Variants in LSM14A observed in about 807,000 individuals in gnomAD.
The protein encoded by LSM14A is protein LSM14 homolog A.
A neutral mutation model predicts 52.4 loss-of-function variants in LSM14A; 14 were observed. The observed-to-expected ratio is 0.27, with a 90% CI of 0.18 to 0.42. The LOEUF is 0.42. Ranked by LOEUF, LSM14A falls within the 10% of genes least tolerant of loss-of-function variation. The pLI, the probability that LSM14A is intolerant of heterozygous loss-of-function variation, is 1.00. For synonymous variants in LSM14A, 185 were observed against 200.3 expected (o/e 0.92, Z 0.64); for missense variants, 417 against 581.8 (o/e 0.72, Z 2.91).
At chr19:34,179,406 A>T (rs1344791376) in intron 1 of LSM14A, among the ~76,000 whole-genome samples, 1 of 152,186 alleles carries the variant, frequency 6.6e-6, no homozygotes, top group Non-Finnish European at 1.5e-5. Flanking sequence ...TTACTTGGGG[A>T]TCTAAATCTA....
chr19:34,176,971 T>C (rs2069131386), intron 1 of LSM14A, among the ~76,000 whole-genome samples: 1 of 152,236 alleles, frequency 6.6e-6, no homozygotes, highest in Non-Finnish European at 1.5e-5. Context: ...TAGCCAATCC[T>C]GGTGGGTATG....
chr19:34,172,664 A>T lies in LSM14A; in HGVS notation c.22A>T (p.Ile8Phe). The T allele has an allele frequency of 6.3e-7, 1 of 1,575,670 alleles. No homozygotes were observed. Among genetic ancestry groups the T allele is most frequent in the Non-Finnish European group, 8.6e-7 (1 of 1,162,830 alleles). Reference protein sequence around the residue: MSGGTPYIGSKISLISKA... With the variant: MSGGTPYFGSKISLISKA... Reference sequence around the variant, plus strand: ...CGCCATGAGCGGGGGCACCCCTTACATCGGCAGCAAGATCAGCCTCATCTC... The same window carrying T: ...CGCCATGAGCGGGGGCACCCCTTACTTCGGCAGCAAGATCAGCCTCATCTC... The change falls in exon 1 of 10, where the codon ATC (isoleucine) becomes TTC (phenylalanine). Residue 8 changes from isoleucine (I) to phenylalanine (F), a missense_variant. Physicochemically the swap from Ile to Phe is conservative, Grantham distance 21. Coordinates refer to ENST00000544216, the MANE Select transcript of LSM14A (RefSeq NM_015578.4).
At position 34,206,440 on chromosome 19, in the gene LSM14A, G is replaced by A. The variant is rs1444586504; in HGVS notation, c.416-2489G>A. 7.2e-5 allele frequency among the ~76,000 whole-genome samples: 11 copies of A among 151,752 alleles called. No individual in the cohort carries two copies. The East Asian group carries it at 9.7e-4, about 13-fold the overall frequency. Reference sequence around the variant, plus strand: ...TCCCAGCACTTTGGGAGGCCGAGGCGGGCAGATCACGAGGTCAGGAGATCG... The same window carrying A: ...TCCCAGCACTTTGGGAGGCCGAGGCAGGCAGATCACGAGGTCAGGAGATCG... On this transcript the variant is annotated intron_variant, in intron 3 of 9. Transcript: ENST00000544216.
intron 1 of LSM14A, among the ~76,000 whole-genome samples, chr19:34,174,697 T>C (rs1231425225): frequency 6.6e-6 from 1 of 152,250 alleles, no homozygotes; most frequent in Non-Finnish European, 1.5e-5. Context: ...AGTGTTTTTC[T>C]GGCTTTTTGA....
intron 2 of LSM14A, 27 bp from the exon 3 acceptor site, chr19:34,196,607 G>A (rs961434620): frequency 2.6e-6 from 4 of 1,563,018 alleles, no homozygotes; most frequent in Non-Finnish European, 3.4e-6. Flanking sequence ...TTAGAGCTTG[G>A]AAACATAACT....
At position 34,196,738 on chromosome 19, in the gene LSM14A, G is replaced by A. The variant is rs1281304882; in HGVS notation, c.390G>A (p.Gly130=). The part of the protein sequence containing the change: ...YSQFSPSSLV[G]QQFGAVGVAG... The stretch of plus-strand genomic sequence containing the variant: ...AGTTCAGTCCGAGTTCCTTAGTTGG[G>A]CAGCAGTTTGGTGCTGTTGGTGTTG... The change falls in exon 3 of 10, where the codon GGG becomes GGA. Residue 130 remains glycine (G), a synonymous_variant. Transcript: ENST00000544216. 1 of 1,610,836 alleles carries A rather than the reference G, an allele frequency of 6.2e-7. No individual in the cohort carries two copies. The highest frequency in any genetic ancestry group is 8.5e-7 in the Non-Finnish European group (1 of 1,179,046).
At chr19:34,181,903 A>C (rs1009083519) in intron 1 of LSM14A, among the ~76,000 whole-genome samples, 3 of 152,132 alleles carry the variant, frequency 2.0e-5, no homozygotes, top group Admixed American at 1.3e-4. Flanking sequence ...AGCATGCTCC[A>C]AACCTGTTCC....
intron 3 of LSM14A, among the ~76,000 whole-genome samples, chr19:34,201,895 C>T (rs901936852): frequency 6.6e-6 from 1 of 152,012 alleles, no homozygotes; most frequent in Non-Finnish European, 1.5e-5. Flanking sequence ...AACCACAGGT[C>T]GCTGCAGCCT....
At chr19:34,173,091 A>T (rs936839855) in intron 1 of LSM14A, among the ~76,000 whole-genome samples, 4 of 152,272 alleles carry the variant, frequency 2.6e-5, no homozygotes, top group Admixed American at 6.5e-5. Flanking sequence ...CTGCCGTCTT[A>T]GCACAAAACA....
rs189753965 is a variant in LSM14A at position 34,216,224 on chromosome 19, T to C, written c.781+563T>C. Among the ~76,000 whole-genome samples, 319 of 152,014 alleles carry C rather than the reference T, an allele frequency of 2.1e-3. 2 individuals are homozygous for C. The highest frequency in any genetic ancestry group is 6.0e-3 in the Admixed American group (91 of 15,278). On this transcript the variant is annotated intron_variant, in intron 6 of 9. Transcript: ENST00000544216. ...GTCAGGAGCTCGAGACCAGCCTGGC[T>C]AACATGGTGAAACCCCGTCTCCACT...
chr19:34,215,232 G>A lies in LSM14A; in HGVS notation c.647G>A (p.Ser216Asn). 4 of 1,614,212 alleles carry A rather than the reference G, an allele frequency of 2.5e-6. No individual in the cohort carries two copies. Among genetic ancestry groups the A allele is most frequent in the Non-Finnish European group, 3.4e-6 (4 of 1,180,032 alleles). ...LPAPAAVGRR[S>N]PVSTRPLPSA... Reference sequence around the variant, plus strand: ...GCTCCAGCAGCTGTTGGGAGAAGGAGTCCTGTATCAACCAGGCCTTTGCCA... The same window carrying A: ...GCTCCAGCAGCTGTTGGGAGAAGGAATCCTGTATCAACCAGGCCTTTGCCA... Residue 216 changes from serine to asparagine, a missense_variant, in exon 5 of 10, where the codon AGT becomes AAT. Around this residue, in one of 2 missense-constraint regions of LSM14A, gnomAD observed 357 missense variants for 457.0 expected, o/e 0.78. Transcript: ENST00000544216.
chr19:34,196,904 T>G lies in LSM14A; in HGVS notation c.415+141T>G, dbSNP rs8112123. ...TTTGTTTTATGGTATTCAGAACACA[T>G]TTTGATGATATCTTAAAGCCTTTAT... On this transcript the variant is annotated intron_variant, in intron 3 of 9. Transcript: ENST00000544216. 3.6e-4 allele frequency: 244 copies of G among 671,180 alleles called. 1 individual carries two copies. In the South Asian group the frequency reaches 6.0e-3, roughly 17 times the overall value. 41.6% of individuals were successfully genotyped at this position (671,180 alleles called of 1,614,324 possible).
At chr19:34,211,222 C>T (rs1040838643) in intron 4 of LSM14A, among the ~76,000 whole-genome samples, 15 of 151,240 alleles carry the variant, frequency 9.9e-5, no homozygotes, top group Admixed American at 5.3e-4. Context: ...TGGGAGAACC[C>T]GGGAGGCAGA....
intron 1 of LSM14A, among the ~76,000 whole-genome samples, chr19:34,193,785 T>C (rs556012099): frequency 3.2e-4 from 48 of 152,260 alleles, no homozygotes; most frequent in Middle Eastern, 3.4e-3. Context: ...CTTTGAGATT[T>C]TGTAGACTGG....
intron 1 of LSM14A, among the ~76,000 whole-genome samples, chr19:34,188,587 C>A (rs147350142): frequency 6.6e-6 from 1 of 152,268 alleles, no homozygotes; most frequent in Non-Finnish European, 1.5e-5. Context: ...TACTAAAATA[C>A]CCCTAGGCAT....
intron 4 of LSM14A, among the ~76,000 whole-genome samples, chr19:34,212,049 G>A (rs2072201974): frequency 6.6e-6 from 1 of 152,138 alleles, no homozygotes; most frequent in African/African-American, 2.4e-5. Flanking sequence ...ACAGATCCGA[G>A]TATAAATAAG....
intron 9 of LSM14A, chr19:34,226,548 C>T: frequency 1.7e-6 from 2 of 1,145,828 alleles, no homozygotes; most frequent in South Asian, 3.1e-5. Flanking sequence ...TTGCTGTCAA[C>T]TTATGCCATA....
At chr19:34,198,221 A>G (rs1328240942) in intron 3 of LSM14A, among the ~76,000 whole-genome samples, 1 of 152,234 alleles carries the variant, frequency 6.6e-6, no homozygotes, top group Non-Finnish European at 1.5e-5. Context: ...TAAAATTGTT[A>G]AATTCCTTCC....
At chr19:34,185,933 AGTT>A (rs2069875659) in intron 1 of LSM14A, among the ~76,000 whole-genome samples, 1 of 152,190 alleles carries the variant, frequency 6.6e-6, no homozygotes, top group South Asian at 2.1e-4. Flanking sequence ...TATCAACATC[AGTT>A]GTTATTTACT....
Sources: allele counts gnomAD v4.1 joint callset (sites outside exome capture counted in the v4.1 genomes callset), GRCh38; gene constraint gnomAD v4.1.1; regional missense constraint gnomAD v4.1.1; transcripts MANE v1.5; gene names NCBI Gene and HGNC (gene_info 2026-07-23, HGNC 2026-07-21).